The following XRCC4 variants were observed in gnomAD, a reference collection of about 807,000 sequenced individuals.
XRCC4 encodes the protein DNA repair protein XRCC4.
XRCC4 carries 28 observed loss-of-function variants against 39.1 expected under a neutral mutation model. That is an observed-to-expected ratio of 0.72 (90% CI 0.53 to 0.98). The LOEUF (loss-of-function observed/expected upper bound fraction) is 0.98, where lower values mean the gene tolerates loss of function less well. Ranked by LOEUF, XRCC4 falls within the 50% of genes least tolerant of loss-of-function variation. XRCC4 has a pLI of 0.00. For missense variants in XRCC4, 350 were observed against 376.4 expected (o/e 0.93, Z 0.58); for synonymous variants, 123 against 126.4 (o/e 0.97, Z 0.18).
chr5:83,296,228 G>A (rs1015938657), intron 7 of XRCC4, among the ~76,000 whole-genome samples: 2 of 152,084 alleles, frequency 1.3e-5, no homozygotes, highest in Non-Finnish European at 2.9e-5. Context: ...ATGTTTGGAA[G>A]ACTTCCAAAA....
intron 3 of XRCC4, among the ~76,000 whole-genome samples, chr5:83,164,095 G>T (rs1749347002): frequency 6.6e-6 from 1 of 152,092 alleles, no homozygotes; most frequent in Non-Finnish European, 1.5e-5. Context: ...TAACTTGAAA[G>T]ATAATTTTAA....
chr5:83,335,170 C>T (rs1756556985), intron 7 of XRCC4, among the ~76,000 whole-genome samples: 1 of 151,820 alleles, frequency 6.6e-6, no homozygotes, highest in African/African-American at 2.4e-5. Flanking sequence ...TAGATATTTG[C>T]ATTGGGTTTG....
At chr5:83,273,638 T>C (rs923475003) in intron 7 of XRCC4, among the ~76,000 whole-genome samples, 1 of 152,198 alleles carries the variant, frequency 6.6e-6, no homozygotes, top group African/African-American at 2.4e-5. Flanking sequence ...TGCATATGGC[T>C]ACCCAGTTTT....
At position 83,295,369 on chromosome 5, in the gene XRCC4, G is replaced by T. The variant is rs1580476349; in HGVS notation, c.893+36692G>T. Among the ~76,000 whole-genome samples, 3 of 152,166 alleles carry T rather than the reference G, an allele frequency of 2.0e-5. No homozygotes were observed. The East Asian group carries it at 5.8e-4, about 29-fold the overall frequency. On this transcript the variant is annotated intron_variant, in intron 7 of 7. Transcript: ENST00000396027. Reference sequence around the variant, plus strand: ...CATAAAATGTTGTATATAATAAGATGCCATGAGAAAAGGCACCCACGTCGT... The same window carrying T: ...CATAAAATGTTGTATATAATAAGATTCCATGAGAAAAGGCACCCACGTCGT...
At chr5:83,247,501 G>C (rs1348425590) in intron 6 of XRCC4, among the ~76,000 whole-genome samples, 1 of 152,176 alleles carries the variant, frequency 6.6e-6, no homozygotes, top group African/African-American at 2.4e-5. Context: ...GTTGGGGACT[G>C]TTGTCTTAGA....
chr5:83,367,531 C>A, the XRCC4 span, among the ~76,000 whole-genome samples: 32 of 152,134 alleles, frequency 2.1e-4, no homozygotes, highest in Non-Finnish European at 3.8e-4. Context: ...TCTCAAGCTC[C>A]CTGAAAGAGC....
At chr5:83,216,383 C>T (rs1189630543) in intron 6 of XRCC4, among the ~76,000 whole-genome samples, 2 of 152,148 alleles carry the variant, frequency 1.3e-5, no homozygotes, top group Non-Finnish European at 2.9e-5. Context: ...AATGTTACAA[C>T]CACTTTAGAA....
intron 6 of XRCC4, among the ~76,000 whole-genome samples, chr5:83,224,264 GTT>G (rs1752206167): frequency 6.6e-6 from 1 of 151,374 alleles, no homozygotes; most frequent in Admixed American, 6.6e-5. Context: ...ATTCTTTTCT[GTT>G]TCTCTTTTGT....
chr5:83,101,010 T>A (rs1382374), intron 1 of XRCC4, among the ~76,000 whole-genome samples: 73,944 of 151,876 alleles, frequency 0.49, 18,799 homozygotes, highest in African/African-American at 0.62. Flanking sequence ...TTATTTTTTC[T>A]GTGATTATCG....
At chr5:83,111,231 TA>T in intron 3 of XRCC4, 28 bp downstream of exon 3, 1 of 1,528,058 alleles carries the variant, frequency 6.5e-7, no homozygotes, top group South Asian at 1.2e-5. Flanking sequence ...AAATGTTACA[TA>T]GTAAAATGTC....
chr5:83,225,246 A>G (rs1346676715), intron 6 of XRCC4, among the ~76,000 whole-genome samples: 1 of 152,114 alleles, frequency 6.6e-6, no homozygotes, highest in African/African-American at 2.4e-5. Flanking sequence ...CCAATGTAAT[A>G]GGAGCCAGAC....
chr5:83,138,222 C>T (rs1233434509), intron 3 of XRCC4, among the ~76,000 whole-genome samples: 1 of 152,138 alleles, frequency 6.6e-6, no homozygotes, highest in Non-Finnish European at 1.5e-5. Context: ...AGTCAGAGCA[C>T]ACATTATATG....
chr5:83,173,614 A>G (rs912107387), intron 3 of XRCC4, among the ~76,000 whole-genome samples: 3 of 152,214 alleles, frequency 2.0e-5, no homozygotes, highest in African/African-American at 7.2e-5. Context: ...ATATTCATAC[A>G]TATCAGAGTA....
intron 6 of XRCC4, among the ~76,000 whole-genome samples, chr5:83,226,627 C>G (rs2112803857): frequency 6.6e-6 from 1 of 152,220 alleles, no homozygotes; most frequent in East Asian, 1.9e-4. Context: ...AAAGGAGAAG[C>G]TGGATGTTGG....
intron 7 of XRCC4, among the ~76,000 whole-genome samples, chr5:83,339,775 G>T (rs1315924932): frequency 1.3e-5 from 2 of 152,176 alleles, no homozygotes; most frequent in East Asian, 3.8e-4. Flanking sequence ...ACATTCCCAT[G>T]ATGGTTCTTT....
intron 7 of XRCC4, among the ~76,000 whole-genome samples, chr5:83,325,052 G>T (rs1426217603): frequency 6.6e-6 from 1 of 151,974 alleles, no homozygotes; most frequent in African/African-American, 2.4e-5. Context: ...TTCTTTGGCA[G>T]GTAGGTGTCT....
rs201064808 is a variant in XRCC4 at position 83,274,057 on chromosome 5, G to A, written c.893+15380G>A. ...ACCTCAATATTATAATTTCTAAAAT[G>A]GGAATAGCAATACCTACCTCGTTAA... On this transcript the variant is annotated intron_variant, in intron 7 of 7. Transcript: ENST00000396027. Among the ~76,000 whole-genome samples, 54 of 152,226 alleles carry A rather than the reference G, an allele frequency of 3.5e-4. No homozygotes were observed. The East Asian group carries it at 8.3e-3, about 23-fold the overall frequency.
At chr5:83,232,690 C>G (rs1315083161) in intron 6 of XRCC4, among the ~76,000 whole-genome samples, 1 of 152,052 alleles carries the variant, frequency 6.6e-6, no homozygotes, top group Non-Finnish European at 1.5e-5. Context: ...ATTAGGATGA[C>G]TGGATCATTG....
intron 3 of XRCC4, among the ~76,000 whole-genome samples, chr5:83,179,061 C>T (rs916064134): frequency 2.0e-5 from 3 of 152,160 alleles, no homozygotes; most frequent in Non-Finnish European, 2.9e-5. Context: ...ACTACTACAG[C>T]ACTTGGCATT....
Sources: allele counts gnomAD v4.1 joint callset (sites outside exome capture counted in the v4.1 genomes callset), GRCh38; gene constraint gnomAD v4.1.1; transcripts MANE v1.5; gene names NCBI Gene and HGNC (gene_info 2026-07-23, HGNC 2026-07-21).